UBE2E2: variants seen among roughly 807,000 people sequenced by gnomAD.
UBE2E2 encodes ubiquitin-conjugating enzyme E2 E2.
Under a neutral mutation model 24.7 loss-of-function variants are expected in UBE2E2, and 6 were observed. The observed-to-expected ratio is 0.24, with a 90% CI of 0.13 to 0.48. The LOEUF is 0.48. Ranked by LOEUF, UBE2E2 falls within the 20% of genes least tolerant of loss-of-function variation. The pLI is 0.99. For synonymous variants in UBE2E2, 104 were observed against 83.6 expected (o/e 1.24, Z -1.33); for missense variants, 169 against 245.0 (o/e 0.69, Z 2.07).
intron 3 of UBE2E2, among the ~76,000 whole-genome samples, chr3:23,351,879 C>G (rs1477926296): frequency 3.9e-5 from 6 of 152,110 alleles, no homozygotes; most frequent in African/African-American, 9.6e-5. Context: ...CTGCACCAAG[C>G]GACCTAATAG....
chr3:23,219,360 G>A (rs2125323672), intron 3 of UBE2E2, among the ~76,000 whole-genome samples: 1 of 152,298 alleles, frequency 6.6e-6, no homozygotes, highest in Admixed American at 6.5e-5. Flanking sequence ...TGCTTATTAA[G>A]TGCATCACTG....
intron 3 of UBE2E2, among the ~76,000 whole-genome samples, chr3:23,232,134 C>T (rs532025797): frequency 6.6e-6 from 1 of 152,314 alleles, no homozygotes; most frequent in Admixed American, 6.5e-5. Flanking sequence ...AAGGTTAAAC[C>T]CTCTAATCAT....
intron 5 of UBE2E2, among the ~76,000 whole-genome samples, chr3:23,557,009 A>AT (rs767844665): frequency 2.0e-5 from 3 of 152,344 alleles, no homozygotes; most frequent in Non-Finnish European, 4.4e-5. Flanking sequence ...TTCTCATCAC[A>AT]GACATATCAC....
chr3:23,441,228 T>A (rs529979475), intron 3 of UBE2E2, among the ~76,000 whole-genome samples: 34 of 151,848 alleles, frequency 2.2e-4, no homozygotes, highest in African/African-American at 7.5e-4. Context: ...ATCAAAGAAT[T>A]GGGGAAGGAA....
chr3:23,224,561 T>C (rs1006021786), intron 3 of UBE2E2, among the ~76,000 whole-genome samples: 1 of 151,658 alleles, frequency 6.6e-6, no homozygotes. Context: ...TTTTTTTTGG[T>C]AGAGTCTTTA....
chr3:23,331,774 T>C (rs543150983), intron 3 of UBE2E2, among the ~76,000 whole-genome samples: 13 of 152,108 alleles, frequency 8.5e-5, no homozygotes, highest in Non-Finnish European at 1.3e-4. Flanking sequence ...CCGTAGGATA[T>C]GGTAAAGACT....
chr3:23,235,725 G>T (rs374022202), intron 3 of UBE2E2, among the ~76,000 whole-genome samples: 1 of 152,220 alleles, frequency 6.6e-6, no homozygotes, highest in African/African-American at 2.4e-5. Context: ...TAGGGGGACT[G>T]TTAGAACAGA....
chr3:23,428,624 A>G (rs1559380918), intron 3 of UBE2E2, among the ~76,000 whole-genome samples: 1 of 152,114 alleles, frequency 6.6e-6, no homozygotes, highest in Non-Finnish European at 1.5e-5. Flanking sequence ...GAAAACATCA[A>G]TAAAATCAAT....
At chr3:23,560,026 G>A (rs968034011) in intron 5 of UBE2E2, among the ~76,000 whole-genome samples, 4 of 152,020 alleles carry the variant, frequency 2.6e-5, no homozygotes, top group Admixed American at 1.3e-4. Flanking sequence ...TTATTAATAT[G>A]GGGCTAGAAA....
At chr3:23,373,531 A>C (rs1302597830) in intron 3 of UBE2E2, among the ~76,000 whole-genome samples, 1 of 152,210 alleles carries the variant, frequency 6.6e-6, no homozygotes, top group Non-Finnish European at 1.5e-5. Flanking sequence ...AAACACTTCC[A>C]GTTAAGTTGA....
At chr3:23,418,774 AGATGT>A (rs1296297741) in intron 3 of UBE2E2, among the ~76,000 whole-genome samples, 1 of 152,210 alleles carries the variant, frequency 6.6e-6, no homozygotes, top group Non-Finnish European at 1.5e-5. Context: ...TGAAGAAAGA[AGATGT>A]GATGTGATGA....
At chr3:23,248,484 CA>C (rs1172249849) in intron 3 of UBE2E2, among the ~76,000 whole-genome samples, 2 of 152,192 alleles carry the variant, frequency 1.3e-5, no homozygotes, top group Non-Finnish European at 2.9e-5. Flanking sequence ...GAACATTCAG[CA>C]CAATAAAATA....
chr3:23,268,635 A>G (rs1195142657), intron 3 of UBE2E2, among the ~76,000 whole-genome samples: 1 of 148,344 alleles, frequency 6.7e-6, no homozygotes, highest in East Asian at 2.0e-4. Context: ...GCCCAAGGTA[A>G]TTTATAGATT....
intron 3 of UBE2E2, among the ~76,000 whole-genome samples, chr3:23,317,547 G>A (rs1464163045): frequency 6.6e-6 from 1 of 152,166 alleles, no homozygotes; most frequent in Non-Finnish European, 1.5e-5. Flanking sequence ...GGGTTAATTG[G>A]ACTTACAGTT....
chr3:23,540,340 C>A (rs1435790335), intron 5 of UBE2E2, among the ~76,000 whole-genome samples: 1 of 152,062 alleles, frequency 6.6e-6, no homozygotes. Context: ...CTAAAAGATA[C>A]AGCATGTGCC....
intron 3 of UBE2E2, among the ~76,000 whole-genome samples, chr3:23,352,238 G>A (rs1695776625): frequency 6.6e-6 from 1 of 151,910 alleles, no homozygotes; most frequent in Non-Finnish European, 1.5e-5. Context: ...AAAGCAGTGT[G>A]TAGAGGGAAA....
chr3:23,342,953 A>G (rs2125311558), intron 3 of UBE2E2, among the ~76,000 whole-genome samples: 1 of 152,148 alleles, frequency 6.6e-6, no homozygotes, highest in South Asian at 2.1e-4. Context: ...GGGGTGGGGA[A>G]CTTCTGCTGT....
Position 23,238,841 on chromosome 3 carries a change from G to C in UBE2E2, c.227+21529G>C, listed in dbSNP as rs77233275. Among the ~76,000 whole-genome samples the C allele has an allele frequency of 5.6e-4, 86 of 152,250 alleles. 3 individuals are homozygous for C. The East Asian group carries it at 0.015, about 27-fold the overall frequency. ...GACTGGGACCTGCCACATGGGGTTAGGTGTGGAGTTTCCCACTTGTGGCAT... is the reference window on the plus strand; with the variant it reads ...GACTGGGACCTGCCACATGGGGTTACGTGTGGAGTTTCCCACTTGTGGCAT... On this transcript the variant is annotated intron_variant, in intron 3 of 5. Coordinates refer to ENST00000396703, the MANE Select transcript of UBE2E2 (RefSeq NM_152653.4).
At chr3:23,513,480 T>A (rs542794259) in intron 4 of UBE2E2, among the ~76,000 whole-genome samples, 1 of 152,342 alleles carries the variant, frequency 6.6e-6, no homozygotes, top group African/African-American at 2.4e-5. Context: ...GGATTTTTTT[T>A]AATCTTTTGC....
Sources: gnomAD v4.1 joint callset for allele counts (sites outside exome capture counted in the v4.1 genomes callset) on GRCh38, gnomAD v4.1.1 for gene constraint, MANE v1.5 for transcripts, NCBI Gene and HGNC (gene_info 2026-07-23, HGNC 2026-07-21) for gene names.